TRMT11: variants seen among roughly 807,000 people sequenced by gnomAD.
The protein encoded by TRMT11 is tRNA methyltransferase 11.
Under a neutral mutation model 62.8 loss-of-function variants are expected in TRMT11, and 53 were observed. The observed-to-expected ratio is 0.84, with a 90% CI of 0.68 to 1.06. TRMT11 has a LOEUF of 1.06. Among genes scored for constraint, TRMT11 ranks in the 50% least tolerant of loss-of-function variants. The pLI is 0.00. For synonymous variants in TRMT11, 188 were observed against 190.3 expected (o/e 0.99, Z 0.10); for missense variants, 556 against 553.4 (o/e 1.00, Z -0.05).
chr6:126,028,640 A>G (rs966216434), intron 12 of TRMT11, among the ~76,000 whole-genome samples: 1 of 152,106 alleles, frequency 6.6e-6, no homozygotes, highest in Admixed American at 6.5e-5. Context: ...TACATCGTGG[A>G]GGATCATTTT....
At chr6:126,193,488 GT>G (rs1778627787) in intron 1 of TRMT11, among the ~76,000 whole-genome samples, 1 of 118,140 alleles carries the variant, frequency 8.5e-6, no homozygotes, top group African/African-American at 3.7e-5. Context: ...GAGCGTTTCT[GT>G]ATTTTTTTTT....
In TRMT11 at chr6:126,093,616, TATATA is replaced by T. The variant is rs1163642509; in HGVS notation, c.*1438-19249_*1438-19245del. On this transcript the variant is annotated intron_variant and NMD_transcript_variant, in intron 17 of 22. Transcript: ENST00000648977. The stretch of plus-strand genomic sequence containing the variant: ...ATATATATATATATATATATATATA[TATATA>T]TATATATATATTTTCCCCCAGTCCT... Among the ~76,000 whole-genome samples, 245 of 93,178 alleles carry T rather than the reference TATATA, an allele frequency of 2.6e-3. 18 individuals carry two copies. Among genetic ancestry groups the T allele is most frequent in the African/African-American group, 0.016 (242 of 14,952 alleles). The allele number at this position is 93,178 out of a possible 152,430, so 61.1% of individuals were successfully genotyped here.
intron 1 of TRMT11, among the ~76,000 whole-genome samples, chr6:126,194,660 C>T (rs1778644112): frequency 6.6e-6 from 1 of 152,212 alleles, no homozygotes; most frequent in African/African-American, 2.4e-5. Flanking sequence ...CAACTTTTCA[C>T]TGTCCCTTTC....
At chr6:126,161,595 C>T (rs1778190988) in intron 21 of TRMT11, among the ~76,000 whole-genome samples, 1 of 151,922 alleles carries the variant, frequency 6.6e-6, no homozygotes, top group Non-Finnish European at 1.5e-5. Context: ...GGGTATATAC[C>T]CAGTAATGGG....
At chr6:126,249,889 T>C in the TRMT11 span, among the ~76,000 whole-genome samples, 1 of 152,098 alleles carries the variant, frequency 6.6e-6, no homozygotes, top group African/African-American at 2.4e-5. Context: ...CAAAGGACAG[T>C]TTATTTTTAA....
At chr6:126,038,437 C>CAAAAAAAAAAAA (rs72178194) in intron 12 of TRMT11, among the ~76,000 whole-genome samples, 1 of 129,248 alleles carries the variant, frequency 7.7e-6, no homozygotes, top group African/African-American at 2.9e-5. Context: ...TGCCCTGAGG[C>CAAAAAAAAAAAA]AAAAAAAAAA....
the TRMT11 span, among the ~76,000 whole-genome samples, chr6:126,258,571 G>C: frequency 6.6e-6 from 1 of 152,200 alleles, no homozygotes; most frequent in African/African-American, 2.4e-5. Context: ...TCTTTGGTCT[G>C]TTCAGATTTT....
chr6:126,105,545 C>G (rs948277544), intron 17 of TRMT11, among the ~76,000 whole-genome samples: 5 of 150,976 alleles, frequency 3.3e-5, no homozygotes, highest in Admixed American at 2.0e-4. Flanking sequence ...CCCAGTTGTT[C>G]GGAGACGGAG....
At chr6:126,236,372 CT>C in the TRMT11 span, among the ~76,000 whole-genome samples, 40 of 152,226 alleles carry the variant, frequency 2.6e-4, no homozygotes, top group African/African-American at 9.4e-4. Flanking sequence ...AATTTTATCT[CT>C]TTGTGTCTAC....
At chr6:126,129,600 G>C (rs1227170187) in intron 21 of TRMT11, among the ~76,000 whole-genome samples, 2 of 151,838 alleles carry the variant, frequency 1.3e-5, no homozygotes, top group African/African-American at 4.8e-5. Flanking sequence ...ATAGCTCACT[G>C]CAGCCTTGAT....
At chr6:126,071,449 A>G (rs1022141506) in intron 17 of TRMT11, among the ~76,000 whole-genome samples, 1 of 152,008 alleles carries the variant, frequency 6.6e-6, no homozygotes, top group East Asian at 1.9e-4. Context: ...TATAAAAGCT[A>G]TAAATTGTTT....
chr6:125,987,488 G>C (rs942956606), intron 1 of TRMT11, among the ~76,000 whole-genome samples: 1 of 152,190 alleles, frequency 6.6e-6, no homozygotes, highest in African/African-American at 2.4e-5. Context: ...GAGCTTGGAA[G>C]GGGGATTTAT....
At chr6:126,144,222 G>C (rs1777950716) in intron 21 of TRMT11, among the ~76,000 whole-genome samples, 1 of 152,070 alleles carries the variant, frequency 6.6e-6, no homozygotes, top group Non-Finnish European at 1.5e-5. Context: ...AAACATTGTT[G>C]TGGTGTTTTC....
the TRMT11 span, among the ~76,000 whole-genome samples, chr6:126,226,410 A>C: frequency 1.3e-5 from 2 of 152,216 alleles, no homozygotes; most frequent in Non-Finnish European, 2.9e-5. Flanking sequence ...TACTTATTCA[A>C]TGAATATTTT....
intron 17 of TRMT11, among the ~76,000 whole-genome samples, chr6:126,056,873 G>C (rs941805026): frequency 6.6e-6 from 1 of 152,166 alleles, no homozygotes; most frequent in Non-Finnish European, 1.5e-5. Context: ...CGGTGATAAC[G>C]TGGCTTTCAC....
chr6:126,240,131 TAAC>T, the TRMT11 span, among the ~76,000 whole-genome samples: 1 of 152,202 alleles, frequency 6.6e-6, no homozygotes, highest in Non-Finnish European at 1.5e-5. Flanking sequence ...TCAAGGTTTT[TAAC>T]TTCTTTGCCG....
chr6:126,082,027 A>T (rs186787859), intron 17 of TRMT11, among the ~76,000 whole-genome samples: 1 of 152,306 alleles, frequency 6.6e-6, no homozygotes, highest in East Asian at 1.9e-4. Flanking sequence ...GGACACCAAG[A>T]TACTATGTGA....
chr6:126,161,600 A>T (rs1479920506), intron 21 of TRMT11, among the ~76,000 whole-genome samples: 1 of 152,180 alleles, frequency 6.6e-6, no homozygotes, highest in Non-Finnish European at 1.5e-5. Flanking sequence ...TATACCCAGT[A>T]ATGGGATGGC....
At chr6:126,069,400 A>G (rs959624975) in intron 17 of TRMT11, among the ~76,000 whole-genome samples, 1 of 152,212 alleles carries the variant, frequency 6.6e-6, no homozygotes, top group Non-Finnish European at 1.5e-5. Flanking sequence ...AATTCTGAAA[A>G]TATCCCCAAA....
Sources: allele counts gnomAD v4.1 joint callset (sites outside exome capture counted in the v4.1 genomes callset), GRCh38; gene constraint gnomAD v4.1.1; transcripts MANE v1.5; gene names NCBI Gene and HGNC (gene_info 2026-07-23, HGNC 2026-07-21).